Variants in GGA1 observed in about 807,000 individuals in gnomAD.
The protein encoded by GGA1 is golgi associated, gamma adaptin ear containing, ARF binding protein 1.
A neutral mutation model predicts 76.9 loss-of-function variants in GGA1; 18 were observed. That is an observed-to-expected ratio of 0.23 (90% CI 0.16 to 0.35). The LOEUF (loss-of-function observed/expected upper bound fraction) is 0.35. Ranked by LOEUF, GGA1 falls within the 10% of genes least tolerant of loss-of-function variation. GGA1 has a pLI of 1.00. For missense variants in GGA1, 755 were observed against 859.0 expected, an observed-to-expected ratio of 0.88 and a Z score of 1.51; for synonymous variants, 342 against 354.7, an observed-to-expected ratio of 0.96 and a Z score of 0.40.
Position 37,632,661 on chromosome 22 carries a change from A to G in GGA1, c.1870A>G (p.Met624Val). 6.2e-7 allele frequency: 1 copy of G among 1,613,354 alleles called. No homozygotes were observed. The highest frequency in any genetic ancestry group is 8.5e-7 in the Non-Finnish European group (1 of 1,179,508). Reference protein sequence around the residue: ...FTMGDQTYNEMGDVDQFPPPE... With the variant: ...FTMGDQTYNEVGDVDQFPPPE... ...CATGGGTGACCAGACCTACAACGAGATGGGGGATGTGGACCAGTTCCCCCC... is the reference window on the plus strand; with the variant it reads ...CATGGGTGACCAGACCTACAACGAGGTGGGGGATGTGGACCAGTTCCCCCC... The change falls in exon 17 of 17, where the codon ATG becomes GTG. Residue 624 changes from methionine to valine, a missense_variant. Coordinates refer to ENST00000343632, the MANE Select transcript of GGA1 (RefSeq NM_013365.5). This position sits in a 1 kb window ranked among gnomAD's most constrained non-coding sequence, Gnocchi z 5.1.
chr22:37,609,030 C>G, intron 1 of GGA1, 127 bp downstream of exon 1: 1 of 1,410,936 alleles, frequency 7.1e-7, no homozygotes, highest in Admixed American at 3.3e-5. Context: ...CCGGGAGGGG[C>G]GGTGTCCTCA....
At chr22:37,616,466 A>T (rs995127923) in intron 2 of GGA1, among the ~76,000 whole-genome samples, 10 of 152,132 alleles carry the variant, frequency 6.6e-5, no homozygotes, top group Non-Finnish European at 1.5e-4. Flanking sequence ...CTGTTAGATG[A>T]TGTCACCACC....
At chr22:37,609,367 A>G (rs1026117080) in intron 1 of GGA1, 11 of 1,085,552 alleles carry the variant, frequency 1.0e-5, no homozygotes, top group East Asian at 2.2e-4. Context: ...GCAAGTAGTC[A>G]CATTTGCTCA....
chr22:37,620,863 C>T lies in GGA1; in HGVS notation c.478C>T (p.Pro160Ser), dbSNP rs1929751382. 6 of 1,612,684 alleles carry T rather than the reference C, an allele frequency of 3.7e-6. No individual in the cohort carries two copies. The highest frequency in any genetic ancestry group is 1.1e-5 in the South Asian group (1 of 91,078). Residue 160 changes from proline (P) to serine (S), a missense_variant, in exon 6 of 17, where the codon CCT becomes TCT. Physicochemically the swap from Pro to Ser is moderately conservative, Grantham distance 74. Transcript: ENST00000343632. ...KLPDDTTFPL[P>S]PPRPKNVIFE... ...TCCAGATGACACTACCTTTCCCCTT[C>T]CTCCTCCACGGCCGAAGAATGTGAT...
intron 4 of GGA1, among the ~76,000 whole-genome samples, chr22:37,619,455 T>G (rs1929467607): frequency 6.7e-6 from 1 of 149,986 alleles, no homozygotes; most frequent in South Asian, 2.1e-4. Flanking sequence ...CTCAGCTCAC[T>G]GCACCCTCCA....
intron 7 of GGA1, among the ~76,000 whole-genome samples, chr22:37,622,737 T>C (rs938359748): frequency 6.6e-6 from 1 of 152,186 alleles, no homozygotes; most frequent in Non-Finnish European, 1.5e-5. Context: ...CCCAGCACTT[T>C]GGAGGCCAAG....
intron 2 of GGA1, among the ~76,000 whole-genome samples, chr22:37,615,503 C>T (rs1228863391): frequency 1.3e-5 from 2 of 151,852 alleles, no homozygotes; most frequent in African/African-American, 2.4e-5. Flanking sequence ...TGGTGGCTTA[C>T]GTCTATAATC....
chr22:37,624,753 C>G lies in GGA1; in HGVS notation c.833-216C>G. On this transcript the variant is annotated intron_variant, in intron 9 of 16. Coordinates refer to ENST00000343632, the MANE Select transcript of GGA1 (RefSeq NM_013365.5). This position sits in a 1 kb window ranked among gnomAD's most constrained non-coding sequence, Gnocchi z 4.3. Reference sequence around the variant, plus strand: ...AGCGGGCCCAGTGTGTTGAGACAGCCCAGGCAGTATGGCAGGGAGTGAATG... The same window carrying G: ...AGCGGGCCCAGTGTGTTGAGACAGCGCAGGCAGTATGGCAGGGAGTGAATG... 1.7e-6 allele frequency: 1 copy of G among 576,774 alleles called. No individual in the cohort carries two copies. Among genetic ancestry groups the G allele is most frequent in the Admixed American group, 3.1e-5 (1 of 32,274 alleles). 35.7% of individuals were successfully genotyped at this position (576,774 alleles called of 1,614,324 possible). A position where few individuals can be genotyped will look rare whatever the true frequency, so the allele number is the denominator to read the frequency against.
chr22:37,626,464 C>T (rs1336608364), intron 11 of GGA1: 1 of 152,234 alleles, frequency 6.6e-6, no homozygotes, highest in East Asian at 1.9e-4. Context: ...GCCAGGCTTC[C>T]CCGGGGGGAA....
chr22:37,619,395 T>C (rs1367772143), intron 4 of GGA1, among the ~76,000 whole-genome samples: 1 of 146,058 alleles, frequency 6.8e-6, no homozygotes, highest in Non-Finnish European at 1.5e-5. Flanking sequence ...TTTTTTTTTT[T>C]GACAAGGAGT....
chr22:37,629,345 C>A (rs1235485130), intron 11 of GGA1, 117 bp from the exon 12 acceptor site: 9 of 690,050 alleles, frequency 1.3e-5, no homozygotes, highest in Non-Finnish European at 2.2e-5. Flanking sequence ...TTTCTCCCCT[C>A]CGTGCTGAGC....
Position 37,632,344 on chromosome 22 carries a change from G to C in GGA1, c.1699-61G>C, listed in dbSNP as rs1931972157. ...GAGGGGAGCTGGCAGGCTGGGCCTG[G>C]TTCCTCAGAGCAGGACAAGCAGCCA... On this transcript the variant is annotated intron_variant, in intron 15 of 16. Transcript: ENST00000343632. The surrounding 1 kb of genome is among the most constrained non-coding windows in gnomAD (Gnocchi z 5.1). 18 of 1,400,998 alleles carry C rather than the reference G, an allele frequency of 1.3e-5. No homozygotes were observed. Among genetic ancestry groups the C allele is most frequent in the Non-Finnish European group, 1.7e-5 (17 of 987,598 alleles). 86.8% of individuals were successfully genotyped at this position (1,400,998 alleles called of 1,614,324 possible). A position where few individuals can be genotyped will look rare whatever the true frequency, so the allele number is the denominator to read the frequency against.
intron 4 of GGA1, among the ~76,000 whole-genome samples, chr22:37,619,005 G>T (rs1472595610): frequency 6.6e-6 from 1 of 152,194 alleles, no homozygotes; most frequent in African/African-American, 2.4e-5. Flanking sequence ...GGAGCCTGCT[G>T]GCTCCAGACG....
At chr22:37,631,865 GC>G in intron 14 of GGA1, 130 bp from the exon 15 acceptor site, 1 of 702,422 alleles carries the variant, frequency 1.4e-6, no homozygotes, top group South Asian at 1.8e-5. Flanking sequence ...TCCAGGTAAG[GC>G]CCCAAAGGAG....
intron 11 of GGA1, among the ~76,000 whole-genome samples, chr22:37,627,465 G>C (rs1003270507): frequency 4.9e-4 from 75 of 152,292 alleles, no homozygotes; most frequent in East Asian, 3.9e-4. Context: ...TCAGAGCCAA[G>C]GGTGACCGCA....
intron 2 of GGA1, among the ~76,000 whole-genome samples, chr22:37,615,798 C>T (rs1246614749): frequency 6.6e-6 from 1 of 152,054 alleles, no homozygotes; most frequent in East Asian, 1.9e-4. Flanking sequence ...TCTTGGGCTG[C>T]CCCCAGACTC....
intron 1 of GGA1, 38 bp from the exon 2 acceptor site, chr22:37,614,152 A>T (rs759431082): frequency 5.7e-6 from 8 of 1,405,026 alleles, no homozygotes; most frequent in Non-Finnish European, 8.1e-6. Flanking sequence ...CAGGAATCCC[A>T]CTGCCGGGCC....
intron 12 of GGA1, 26 bp from the exon 13 acceptor site, chr22:37,629,972 C>A: frequency 2.7e-6 from 4 of 1,507,166 alleles, no homozygotes; most frequent in South Asian, 1.3e-5. Flanking sequence ...GACAGCCCCA[C>A]CCCACCTGCA....
chr22:37,608,845 T>TG lies in GGA1; in HGVS notation c.-11dup. 8.4e-7 allele frequency: 1 copy of TG among 1,192,234 alleles called. No individual in the cohort carries two copies. Among genetic ancestry groups the TG allele is most frequent in the Non-Finnish European group, 1.0e-6 (1 of 962,468 alleles). The allele number at this position is 1,192,234 out of a possible 1,614,324, so 73.9% of individuals were successfully genotyped here. A position where few individuals can be genotyped will look rare whatever the true frequency, so the allele number is the denominator to read the frequency against. On this transcript the variant is annotated 5_prime_UTR_variant, in exon 1 of 17. Coordinates refer to ENST00000343632, the MANE Select transcript of GGA1 (RefSeq NM_013365.5). The stretch of plus-strand genomic sequence containing the variant: ...GGGGGCGGGGGGGCGGTGCCGAGGC[T>TG]GGGGGCCGGTGGCGGATGGAGCCCG...
Sources: allele counts gnomAD v4.1 joint callset (sites outside exome capture counted in the v4.1 genomes callset), GRCh38; gene constraint gnomAD v4.1.1; non-coding constraint Gnocchi (gnomAD v3.1); transcripts MANE v1.5; gene names NCBI Gene and HGNC (gene_info 2026-07-23, HGNC 2026-07-21).